SH3TC1: variants seen among roughly 807,000 people sequenced by gnomAD.
SH3TC1 encodes SH3 domain and tetratricopeptide repeat-containing protein 1.
A neutral mutation model predicts 117.3 loss-of-function variants in SH3TC1; 135 were observed. That is an observed-to-expected ratio of 1.15 (90% CI 1.00 to 1.33). SH3TC1 has a LOEUF of 1.33. SH3TC1 is among the 40% of genes most tolerant of loss of function. The pLI, the probability that SH3TC1 is intolerant of heterozygous loss-of-function variation, is 0.00. For missense variants in SH3TC1, 2,092 were observed against 1,794.3 expected (o/e 1.17, Z -3.00); for synonymous variants, 898 against 816.9 (o/e 1.10, Z -1.69).
At chr4:8,219,680 C>A (rs990981458) in intron 9 of SH3TC1, 150 bp downstream of exon 9, 1 of 922,572 alleles carries the variant, frequency 1.1e-6, no homozygotes, top group Non-Finnish European at 1.5e-6. Context: ...GCTGCTGCCC[C>A]CTTGGCCCCA....
chr4:8,214,453 A>T (rs775593369), intron 4 of SH3TC1, 22 bp from the exon 5 acceptor site: 68 of 1,610,988 alleles, frequency 4.2e-5, no homozygotes, highest in Non-Finnish European at 2.5e-6. Context: ...GACCTCTCGA[A>T]TTCCTATTTC....
In SH3TC1 at chr4:8,235,445, G is replaced by C; in HGVS notation, c.3295G>C (p.Val1099Leu). Reference protein sequence around the residue: ...VDLYIQVAQNVALYTGDPNLG... With the variant: ...VDLYIQVAQNLALYTGDPNLG... Reference sequence around the variant, plus strand: ...TGCCTCCTTTCAGGTGGCACAGAACGTGGCCCTGTACACAGGCGACCCCAA... The same window carrying C: ...TGCCTCCTTTCAGGTGGCACAGAACCTGGCCCTGTACACAGGCGACCCCAA... The change falls in exon 15 of 18, where the codon GTG becomes CTG. Residue 1099 changes from valine (V) to leucine (L), a missense_variant. Transcript: ENST00000245105. 6.5e-7 allele frequency: 1 copy of C among 1,548,524 alleles called. No individual in the cohort carries two copies. Among genetic ancestry groups the C allele is most frequent in the Admixed American group, 2.0e-5 (1 of 50,626 alleles).
intron 4 of SH3TC1, 68 bp downstream of exon 4, chr4:8,212,896 C>T: frequency 4.0e-6 from 6 of 1,485,970 alleles, no homozygotes; most frequent in Non-Finnish European, 5.4e-6. Context: ...GGCTGAGGTG[C>T]AGTGTCTGAG....
chr4:8,240,781 C>G lies in SH3TC1; in HGVS notation c.3837C>G (p.Ile1279Met). The G allele has an allele frequency of 6.2e-7, 1 of 1,614,140 alleles. No homozygotes were observed. Among genetic ancestry groups the G allele is most frequent in the Non-Finnish European group, 8.5e-7 (1 of 1,180,040 alleles). Reference protein sequence around the residue: ...DLGNKKAQLKIYTRLATIYHN... With the variant: ...DLGNKKAQLKMYTRLATIYHN... ...GCAACAAGAAGGCACAGCTGAAGAT[C>G]TACACGCGGCTGGCCACCATCTACC... The change falls in exon 18 of 18, where the codon ATC (isoleucine) becomes ATG (methionine). Residue 1279 changes from isoleucine (I) to methionine (M), a missense_variant. By Grantham distance (10) the Ile-to-Met change is conservative (BLOSUM62 1). Coordinates refer to ENST00000245105, the MANE Select transcript of SH3TC1 (RefSeq NM_018986.5).
rs143995291 is a variant in SH3TC1 at position 8,236,330 on chromosome 4, G to A, written c.3458G>A (p.Arg1153Gln). 253 of 1,553,660 alleles carry A rather than the reference G, an allele frequency of 1.6e-4. 1 individual carries two copies. The African/African-American group carries it at 2.8e-3, about 17-fold the overall frequency. Residue 1153 changes from arginine to glutamine, a missense_variant, in exon 16 of 18, where the codon CGG becomes CAG. By Grantham distance (43) the Arg-to-Gln change is conservative. Coordinates refer to ENST00000245105, the MANE Select transcript of SH3TC1 (RefSeq NM_018986.5). ...VTTGNRKAEL[R>Q]LCNKLVALLA... is the part of the protein sequence containing the mutation. ...ACGGGCAACCGCAAGGCGGAGCTGCGGCTGTGCAACAAGCTGGTGGCACTG... is the reference window on the plus strand; with the variant it reads ...ACGGGCAACCGCAAGGCGGAGCTGCAGCTGTGCAACAAGCTGGTGGCACTG...
At position 8,205,396 on chromosome 4, in the gene SH3TC1, C is replaced by T. The variant is rs1319670851; in HGVS notation, c.172+30C>T. 6.6e-7 allele frequency: 1 copy of T among 1,525,004 alleles called. No individual in the cohort carries two copies. The highest frequency in any genetic ancestry group is 1.2e-5 in the South Asian group (1 of 80,088). The allele number at this position is 1,525,004 out of a possible 1,614,324, so 94.5% of individuals were successfully genotyped here. Reference sequence around the variant, plus strand: ...GTTCATTCCACCCTCACCACCCGCCCTCCATCCCACCCACTTCTCCACCCC... The same window carrying T: ...GTTCATTCCACCCTCACCACCCGCCTTCCATCCCACCCACTTCTCCACCCC... On this transcript the variant is annotated intron_variant, in intron 2 of 17. Coordinates refer to ENST00000245105, the MANE Select transcript of SH3TC1 (RefSeq NM_018986.5). This position sits in a 1 kb window ranked among gnomAD's most constrained non-coding sequence, Gnocchi z 5.4.
Position 8,214,665 on chromosome 4 carries a change from T to G in SH3TC1, c.481+85T>G, listed in dbSNP as rs557761589. The G allele has an allele frequency of 9.8e-5, 96 of 976,424 alleles. 1 individual carries two copies. The South Asian group carries it at 1.3e-3, about 13-fold the overall frequency. 60.5% of individuals were successfully genotyped at this position (976,424 alleles called of 1,614,324 possible). A position where few individuals can be genotyped will look rare whatever the true frequency, so the allele number is the denominator to read the frequency against. ...CACACCGTGCACTTAGATTACAAAC[T>G]GGTGCTTTGTTTATTTATTTATTGA... On this transcript the variant is annotated intron_variant, in intron 5 of 17. Transcript: ENST00000245105.
intron 1 of SH3TC1, among the ~76,000 whole-genome samples, chr4:8,204,499 T>C (rs2152978342): frequency 6.6e-6 from 1 of 152,236 alleles, no homozygotes; most frequent in Admixed American, 6.5e-5. Flanking sequence ...AGGGTGGACC[T>C]TTCCCCACCC....
rs1181939677 is a variant in SH3TC1, at chr4:8,192,950, G to A, written c.-57+10740G>A. On this transcript the variant is annotated intron_variant, in intron 1 of 16. Coordinates refer to the SH3TC1 transcript ENST00000508641. The surrounding 1 kb of genome is among the most constrained non-coding windows in gnomAD (Gnocchi z 4.1). Reference sequence around the variant, plus strand: ...ACGTGATGTACCATGTTTCAAGCCTGTTTCACAGCACAAGACAGCCTCAGC... The same window carrying A: ...ACGTGATGTACCATGTTTCAAGCCTATTTCACAGCACAAGACAGCCTCAGC... Among the ~76,000 whole-genome samples, 1 of 152,258 alleles carries A rather than the reference G, an allele frequency of 6.6e-6. No individual in the cohort carries two copies. The highest frequency in any genetic ancestry group is 2.4e-5 in the African/African-American group (1 of 41,468).
chr4:8,216,880 C>T lies in SH3TC1; in HGVS notation c.629-77C>T, dbSNP rs1466457. 13,801 of 1,468,146 alleles carry T rather than the reference C, an allele frequency of 9.4e-3. 1,166 individuals carry two copies. The Admixed American group carries it at 0.16, about 17-fold the overall frequency. 90.9% of individuals were successfully genotyped at this position (1,468,146 alleles called of 1,614,324 possible). The stretch of plus-strand genomic sequence containing the variant: ...GTGGGTGTTGCCTTCGTTGTCTGTC[C>T]GGCAGGGGTGTGGGGGGCAGGGCCA... On this transcript the variant is annotated intron_variant, in intron 6 of 17. Transcript: ENST00000245105.
At chr4:8,197,011 C>A (rs188002381), upstream of SH3TC1, among the ~76,000 whole-genome samples, 16 of 152,304 alleles carry the variant, frequency 1.1e-4, no homozygotes, top group East Asian at 3.1e-3. Context: ...TGAACCTGAC[C>A]TTATTTGGGA....
chr4:8,217,938 T>G (rs553047860), intron 7 of SH3TC1, among the ~76,000 whole-genome samples: 1 of 152,062 alleles, frequency 6.6e-6, no homozygotes, highest in East Asian at 1.9e-4. Flanking sequence ...CAGGCTGGGA[T>G]CTCCCTCACC....
At chr4:8,223,170 G>A (rs528749872) in intron 10 of SH3TC1, among the ~76,000 whole-genome samples, 200 bp downstream of exon 10, 9 of 152,366 alleles carry the variant, frequency 5.9e-5, no homozygotes, top group African/African-American at 9.6e-5. Context: ...AGCTGAGGGC[G>A]TGGGAATGTG....
chr4:8,221,727 A>G (rs563527513), intron 9 of SH3TC1, among the ~76,000 whole-genome samples: 56 of 152,328 alleles, frequency 3.7e-4, no homozygotes, highest in Non-Finnish European at 5.7e-4. Flanking sequence ...GAAATCAGGA[A>G]ATGAACGCAG....
chr4:8,196,091 C>G (rs891130114), upstream of SH3TC1, among the ~76,000 whole-genome samples: 1 of 152,250 alleles, frequency 6.6e-6, no homozygotes, highest in East Asian at 1.9e-4. This position sits in a 1 kb window ranked among gnomAD's most constrained non-coding sequence, Gnocchi z 4.6. Context: ...GGACCCGGCA[C>G]GGGCATTTGT....
chr4:8,219,392 C>T lies in SH3TC1; in HGVS notation c.974C>T (p.Thr325Ile). The stretch of plus-strand genomic sequence containing the variant: ...CAGGGCTCGGGGCCCGAAGAGATGA[C>T]CTTCCGAGGTGGCGACCTCATCGAG... ...DFQGSGPEEM[T>I]FRGGDLIEIL... The change falls in exon 9 of 18, where the codon ACC becomes ATC. Residue 325 changes from threonine to isoleucine, a missense_variant. Transcript: ENST00000245105. 2 of 1,610,356 alleles carry T rather than the reference C, an allele frequency of 1.2e-6. No individual in the cohort carries two copies. Among genetic ancestry groups the T allele is most frequent in the African/African-American group, 2.7e-5 (2 of 74,974 alleles).
Position 8,210,459 on chromosome 4 carries a change from A to G in SH3TC1, c.247+637A>G, listed in dbSNP as rs1051569051. On this transcript the variant is annotated intron_variant, in intron 3 of 17. Coordinates refer to ENST00000245105, the MANE Select transcript of SH3TC1 (RefSeq NM_018986.5). This position sits in a 1 kb window ranked among gnomAD's most constrained non-coding sequence, Gnocchi z 4.1. Reference sequence around the variant, plus strand: ...CGGGATGACCAGGACGCATTAGGCAATAGGACCGTTATTTAGAATTTGAAA... The same window carrying G: ...CGGGATGACCAGGACGCATTAGGCAGTAGGACCGTTATTTAGAATTTGAAA... Among the ~76,000 whole-genome samples, 4 of 152,214 alleles carry G rather than the reference A, an allele frequency of 2.6e-5. No homozygotes were observed. Among genetic ancestry groups the G allele is most frequent in the Admixed American group, 2.0e-4 (3 of 15,282 alleles).
At chr4:8,193,257 G>A (rs1269154745) in intron 1 of SH3TC1, among the ~76,000 whole-genome samples, 4 of 152,220 alleles carry the variant, frequency 2.6e-5, no homozygotes, top group Non-Finnish European at 5.9e-5. Flanking sequence ...CTGCGAAAGT[G>A]GGGAGAGTAT....
chr4:8,227,337 G>T lies in SH3TC1; in HGVS notation c.1643G>T (p.Gly548Val). 6.2e-7 allele frequency: 1 copy of T among 1,604,942 alleles called. No individual in the cohort carries two copies. The stretch of plus-strand genomic sequence containing the variant: ...ACTGGGCGCCTGGCACAGGCCCGGG[G>T]GGCGGCCAAGAAAGCTGGCCTCCTC... The part of the protein sequence containing the change: ...ELTGRLAQAR[G>V]AAKKAGLLMA... Residue 548 changes from glycine (G) to valine (V), a missense_variant, in exon 12 of 18, where the codon GGG becomes GTG. Gly to Val is a moderately radical substitution (Grantham distance 109). Transcript: ENST00000245105.
Sources: allele counts gnomAD v4.1 joint callset (sites outside exome capture counted in the v4.1 genomes callset), GRCh38; gene constraint gnomAD v4.1.1; non-coding constraint Gnocchi (gnomAD v3.1); transcripts MANE v1.5; gene names NCBI Gene and HGNC (gene_info 2026-07-23, HGNC 2026-07-21).